Variants in EXOC4 observed in about 807,000 individuals in gnomAD.
The protein encoded by EXOC4 is exocyst complex component 4.
EXOC4 carries 71 observed loss-of-function variants against 107.2 expected under a neutral mutation model. The observed-to-expected ratio is 0.66, with a 90% confidence interval of 0.55 to 0.81. The LOEUF (loss-of-function observed/expected upper bound fraction) is 0.81, where lower values mean the gene tolerates loss of function less well. Among genes scored for constraint, EXOC4 ranks in the 30% least tolerant of loss-of-function variants. The probability of loss-of-function intolerance (pLI) is 0.00; values close to 1 mark genes in which losing one functional copy is unlikely to be tolerated. For missense variants in EXOC4, 1,108 were observed against 1,189.6 expected, an observed-to-expected ratio of 0.93 and a Z score of 1.01; for synonymous variants, 456 against 441.2, an observed-to-expected ratio of 1.03 and a Z score of -0.42.
Position 134,029,406 on chromosome 7 carries a change from T to C in EXOC4, c.2687+21571T>C, listed in dbSNP as rs144968383. ...GAAATCTATAGAAACAGAAGTAGAT[T>C]AGTGTTCACTTTAGGGCTGGATGGA... On this transcript the variant is annotated intron_variant, in intron 17 of 17. Transcript: ENST00000253861. Among the ~76,000 whole-genome samples the C allele has an allele frequency of 5.1e-3, 782 of 152,300 alleles. 5 individuals are homozygous for C. Among genetic ancestry groups the C allele is most frequent in the African/African-American group, 0.017 (718 of 41,576 alleles).
chr7:133,338,862 C>T (rs1584828501), intron 5 of EXOC4, among the ~76,000 whole-genome samples: 1 of 150,256 alleles, frequency 6.7e-6, no homozygotes, highest in Non-Finnish European at 1.5e-5. Flanking sequence ...AAGTGATTCT[C>T]CTGCCTCAGC....
intron 10 of EXOC4, among the ~76,000 whole-genome samples, chr7:133,651,904 T>TG (rs1803164667): frequency 6.6e-6 from 1 of 152,164 alleles, no homozygotes; most frequent in Non-Finnish European, 1.5e-5. Context: ...AGGCTGGTCT[T>TG]GCTGACCTCA....
intron 9 of EXOC4, among the ~76,000 whole-genome samples, chr7:133,533,765 A>G (rs1483066541): frequency 1.3e-5 from 2 of 152,134 alleles, no homozygotes; most frequent in African/African-American, 2.4e-5. Flanking sequence ...GTATGATGTC[A>G]GAAACATTGG....
chr7:133,486,599 A>G (rs1799274067), intron 9 of EXOC4, among the ~76,000 whole-genome samples: 1 of 152,186 alleles, frequency 6.6e-6, no homozygotes. Context: ...ATTAATAACT[A>G]TGCAACAATA....
chr7:133,731,103 T>C (rs531587304), intron 10 of EXOC4, among the ~76,000 whole-genome samples: 1 of 152,214 alleles, frequency 6.6e-6, no homozygotes, highest in African/African-American at 2.4e-5. Context: ...TTCACCCTAA[T>C]TTATGTTTTG....
At chr7:133,423,546 A>T (rs1797651617) in intron 7 of EXOC4, among the ~76,000 whole-genome samples, 1 of 152,188 alleles carries the variant, frequency 6.6e-6, no homozygotes, top group South Asian at 2.1e-4. Context: ...AGCTCATTGA[A>T]AGTAAGAACC....
chr7:133,855,277 C>T (rs552670013), intron 11 of EXOC4, among the ~76,000 whole-genome samples: 1 of 150,638 alleles, frequency 6.6e-6, no homozygotes, highest in African/African-American at 2.5e-5. Context: ...CCTGAACCAA[C>T]CTTCCTGGAA....
intron 10 of EXOC4, chr7:133,732,677 AT>A (rs1163455098): frequency 6.5e-6 from 1 of 153,700 alleles, no homozygotes; most frequent in African/African-American, 2.4e-5. Flanking sequence ...GGATAAATAG[AT>A]TAGCAAGCTG....
Position 133,627,426 on chromosome 7 carries a change from T to C in EXOC4, c.1418-2619T>C, listed in dbSNP as rs146947248. On this transcript the variant is annotated intron_variant, in intron 9 of 17. Coordinates refer to ENST00000253861, the MANE Select transcript of EXOC4 (RefSeq NM_021807.4). Reference sequence around the variant, plus strand: ...AATATTTAGAAACCATTGGAAATCATCTAGTCTATCTCGTAAAGGTTATCA... The same window carrying C: ...AATATTTAGAAACCATTGGAAATCACCTAGTCTATCTCGTAAAGGTTATCA... Among the ~76,000 whole-genome samples, 192 of 152,300 alleles carry C rather than the reference T, an allele frequency of 1.3e-3. 1 individual carries two copies. The highest frequency in any genetic ancestry group is 4.4e-3 in the African/African-American group (184 of 41,560).
chr7:133,464,334 C>T (rs956328474), intron 7 of EXOC4, among the ~76,000 whole-genome samples: 12 of 152,168 alleles, frequency 7.9e-5, no homozygotes, highest in Admixed American at 7.2e-4. Flanking sequence ...AGTAACTTGA[C>T]CAAGGTCACA....
chr7:134,085,683 G>C, the EXOC4 span, among the ~76,000 whole-genome samples: 1 of 152,168 alleles, frequency 6.6e-6, no homozygotes, highest in Non-Finnish European at 1.5e-5. Context: ...GTCATTATTT[G>C]ATCTGATTCA....
intron 1 of EXOC4, among the ~76,000 whole-genome samples, chr7:133,266,972 G>C (rs984349832): frequency 6.6e-6 from 1 of 152,082 alleles, no homozygotes; most frequent in Admixed American, 6.6e-5. Context: ...ATTTAGTTTG[G>C]GGGCTCACTT....
At chr7:133,978,771 A>T (rs1793902353) in intron 14 of EXOC4, among the ~76,000 whole-genome samples, 1 of 152,178 alleles carries the variant, frequency 6.6e-6, no homozygotes, top group Non-Finnish European at 1.5e-5. Context: ...CAGCTGCCTG[A>T]GCATCTTTCT....
intron 10 of EXOC4, among the ~76,000 whole-genome samples, chr7:133,709,720 A>C (rs1398632983): frequency 4.0e-5 from 6 of 149,856 alleles, no homozygotes; most frequent in African/African-American, 1.5e-4. Flanking sequence ...CTTTTTAGCC[A>C]AATCATCTTA....
At position 133,580,048 on chromosome 7, in the gene EXOC4, TAC is replaced by T. The variant is rs1207067478; in HGVS notation, c.1418-49995_1418-49994del. Among the ~76,000 whole-genome samples, 3 of 152,204 alleles carry T rather than the reference TAC, an allele frequency of 2.0e-5. No homozygotes were observed. In the East Asian group the frequency reaches 5.8e-4, roughly 29 times the overall value. On this transcript the variant is annotated intron_variant, in intron 9 of 17. Coordinates refer to ENST00000253861, the MANE Select transcript of EXOC4 (RefSeq NM_021807.4). ...CCATTGATTCATATAAGTGAAATAA[TAC>T]AGTGTTTGCCTTTTCGTGACTGGCT... is the stretch of plus-strand genomic sequence containing the variant.
chr7:133,594,349 A>G (rs1801614670), intron 9 of EXOC4, among the ~76,000 whole-genome samples: 2 of 152,284 alleles, frequency 1.3e-5, no homozygotes, highest in South Asian at 4.1e-4. Flanking sequence ...TCCTTTGGCA[A>G]ATATTATTGA....
At chr7:133,941,056 G>A (rs1295804376) in intron 14 of EXOC4, among the ~76,000 whole-genome samples, 1 of 150,292 alleles carries the variant, frequency 6.7e-6, no homozygotes, top group African/African-American at 2.4e-5. Context: ...TTCATGCAGT[G>A]GCGCGATCTC....
intron 7 of EXOC4, among the ~76,000 whole-genome samples, chr7:133,398,400 G>A (rs1345045894): frequency 6.6e-6 from 1 of 152,020 alleles, no homozygotes; most frequent in Admixed American, 6.5e-5. Context: ...TATGAAATAG[G>A]GCTGTAGCAG....
intron 9 of EXOC4, among the ~76,000 whole-genome samples, chr7:133,578,850 C>G (rs1328251625): frequency 6.6e-6 from 1 of 152,060 alleles, no homozygotes; most frequent in African/African-American, 2.4e-5. Context: ...TGAAATTAGT[C>G]TGGAATCATG....
Sources: gnomAD v4.1 joint callset for allele counts (sites outside exome capture counted in the v4.1 genomes callset) on GRCh38, gnomAD v4.1.1 for gene constraint, MANE v1.5 for transcripts, NCBI Gene and HGNC (gene_info 2026-07-23, HGNC 2026-07-21) for gene names.